SLC2A13: variants seen among roughly 807,000 people sequenced by gnomAD.
SLC2A13 encodes proton myo-inositol cotransporter.
In SLC2A13, 32 loss-of-function variants were observed where a neutral mutation model predicts 64.4. The ratio of observed to expected loss-of-function variants is 0.50; its 90% CI spans 0.37 to 0.67. The LOEUF (loss-of-function observed/expected upper bound fraction) is 0.67, where lower values mean the gene tolerates loss of function less well. SLC2A13 is among the 30% of genes least tolerant of loss of function. SLC2A13 has a pLI of 0.00. For missense variants in SLC2A13, 743 were observed against 829.2 expected (o/e 0.90, Z 1.28); for synonymous variants, 338 against 327.1 (o/e 1.03, Z -0.36).
intron 1 of SLC2A13, among the ~76,000 whole-genome samples, chr12:40,072,775 T>C (rs17458334): frequency 6.6e-6 from 1 of 152,148 alleles, no homozygotes; most frequent in South Asian, 2.1e-4. Flanking sequence ...GAGTTTCATA[T>C]AGACAGCAAT....
At chr12:39,790,789 C>T (rs1423996381) in intron 7 of SLC2A13, among the ~76,000 whole-genome samples, 3 of 58,588 alleles carry the variant, frequency 5.1e-5, no homozygotes, top group South Asian at 6.6e-4. Flanking sequence ...CCTGAGGAAT[C>T]GCCACACTGA....
chr12:39,784,502 T>C (rs1485516223), intron 7 of SLC2A13, among the ~76,000 whole-genome samples: 1 of 152,200 alleles, frequency 6.6e-6, no homozygotes, highest in Non-Finnish European at 1.5e-5. Context: ...CAAATGGTGC[T>C]GGGAAAACTC....
At chr12:39,990,538 A>G (rs1947117593) in intron 3 of SLC2A13, among the ~76,000 whole-genome samples, 1 of 152,162 alleles carries the variant, frequency 6.6e-6, no homozygotes, top group Admixed American at 6.5e-5. Context: ...GTATCTCAGC[A>G]CACACCAGGG....
At chr12:39,857,571 T>G (rs772466105) in intron 6 of SLC2A13, among the ~76,000 whole-genome samples, 2 of 152,214 alleles carry the variant, frequency 1.3e-5, no homozygotes, top group Non-Finnish European at 2.9e-5. Context: ...TTCATCACCA[T>G]TTGTCTGTCT....
At chr12:39,868,968 A>T (rs1249979941) in intron 5 of SLC2A13, among the ~76,000 whole-genome samples, 1 of 152,220 alleles carries the variant, frequency 6.6e-6, no homozygotes, top group Non-Finnish European at 1.5e-5. Context: ...AACATTTTTC[A>T]CTATTTTTAG....
Position 40,064,455 on chromosome 12 carries a change from T to C in SLC2A13, c.557-16245A>G, listed in dbSNP as rs11174995. The stretch of plus-strand genomic sequence containing the variant: ...TACCTAATATGGAGTCATTATTTAT[T>C]GATAAAAGAAGGAAAGAATAAAAAT... On this transcript the variant is annotated intron_variant, in intron 1 of 9. Transcript: ENST00000280871. Among the ~76,000 whole-genome samples, 153 of 152,258 alleles carry C rather than the reference T, an allele frequency of 1.0e-3. 2 individuals are homozygous for C. The East Asian group carries it at 0.013, about 12-fold the overall frequency.
Position 39,896,450 on chromosome 12 carries a change from G to A in SLC2A13, c.1035-24489C>T, listed in dbSNP as rs546103624. On this transcript the variant is annotated intron_variant, in intron 4 of 9. Transcript: ENST00000280871. ...TATATATGTATACATATATGTATAT[G>A]TGTGTATATATGTATACATATATGT... is the stretch of plus-strand genomic sequence containing the variant. 8.6e-4 allele frequency among the ~76,000 whole-genome samples: 97 copies of A among 112,832 alleles called. 1 individual carries two copies. Among genetic ancestry groups the A allele is most frequent in the African/African-American group, 2.3e-3 (62 of 27,314 alleles). The allele number at this position is 112,832 out of a possible 152,430, so 74.0% of individuals were successfully genotyped here. A position where few individuals can be genotyped will look rare whatever the true frequency, so the allele number is the denominator to read the frequency against.
At chr12:39,947,658 CTT>C (rs35298500) in intron 4 of SLC2A13, among the ~76,000 whole-genome samples, 11 of 122,216 alleles carry the variant, frequency 9.0e-5, no homozygotes, top group African/African-American at 9.3e-5. Context: ...GTGAGAATTT[CTT>C]TTTTTTTTTT....
At chr12:39,956,863 C>G (rs944424330) in intron 3 of SLC2A13, among the ~76,000 whole-genome samples, 10 of 152,010 alleles carry the variant, frequency 6.6e-5, no homozygotes, top group Admixed American at 2.6e-4. Flanking sequence ...GGAGGCTTCC[C>G]CACTGCTGAT....
rs1463898973 is a variant in SLC2A13 at position 39,758,018 on chromosome 12, A to ATATT, written c.*2004_*2007dup. 2.6e-5 allele frequency: 4 copies of ATATT among 151,798 alleles called. No homozygotes were observed. The highest frequency in any genetic ancestry group is 5.9e-5 in the Non-Finnish European group (4 of 67,678). 9.4% of individuals were successfully genotyped at this position (151,798 alleles called of 1,614,324 possible). ...TTTCACTTCAATTTACCTGTGTAAA[A>ATATT]TATTAGATAAGAAATTTCTTATGAG... is the stretch of plus-strand genomic sequence containing the variant. On this transcript the variant is annotated 3_prime_UTR_variant, in exon 10 of 10. Coordinates refer to ENST00000280871, the MANE Select transcript of SLC2A13 (RefSeq NM_052885.4).
At chr12:39,802,838 A>G (rs886778894) in intron 7 of SLC2A13, among the ~76,000 whole-genome samples, 1 of 152,172 alleles carries the variant, frequency 6.6e-6, no homozygotes, top group African/African-American at 2.4e-5. Context: ...AAAATATTAT[A>G]TCAGATTGAG....
rs544688165 is a variant in SLC2A13 at position 40,075,843 on chromosome 12, T to G, written c.557-27633A>C. On this transcript the variant is annotated intron_variant, in intron 1 of 9. Transcript: ENST00000280871. Reference sequence around the variant, plus strand: ...ATTGTTTGAATTACTTATATTTATCTGTCTTAAGTTCACTCACTTTTTTCA... The same window carrying G: ...ATTGTTTGAATTACTTATATTTATCGGTCTTAAGTTCACTCACTTTTTTCA... Among the ~76,000 whole-genome samples the G allele has an allele frequency of 5.9e-5, 9 of 152,310 alleles. No individual in the cohort carries two copies. The East Asian group carries it at 1.5e-3, about 26-fold the overall frequency.
intron 1 of SLC2A13, among the ~76,000 whole-genome samples, chr12:40,066,939 G>A (rs183823456): frequency 2.0e-5 from 3 of 152,116 alleles, no homozygotes; most frequent in African/African-American, 7.2e-5. Flanking sequence ...ACAATTCTTA[G>A]GGAAACTAAT....
At chr12:39,779,940 T>C (rs76314265) in intron 7 of SLC2A13, among the ~76,000 whole-genome samples, 1,524 of 152,334 alleles carry the variant, frequency 0.01, 28 homozygotes, top group African/African-American at 0.035. Flanking sequence ...GCTATCGTGA[T>C]GCAAACAATG....
chr12:39,861,268 C>G (rs1238559926), intron 6 of SLC2A13, among the ~76,000 whole-genome samples: 5 of 152,142 alleles, frequency 3.3e-5, no homozygotes, highest in Non-Finnish European at 7.4e-5. Context: ...TTATTGAGTG[C>G]TTATTATGTG....
intron 3 of SLC2A13, among the ~76,000 whole-genome samples, chr12:39,994,873 A>C (rs1314638511): frequency 6.6e-6 from 1 of 152,264 alleles, no homozygotes; most frequent in Non-Finnish European, 1.5e-5. Flanking sequence ...CTGTGTATGA[A>C]AAGATAGTAC....
intron 1 of SLC2A13, among the ~76,000 whole-genome samples, chr12:40,055,642 G>T (rs1272143851): frequency 6.6e-6 from 1 of 152,102 alleles, no homozygotes; most frequent in Non-Finnish European, 1.5e-5. Flanking sequence ...TTTTAAACTA[G>T]TGTTAACTGA....
rs767434521 is a variant in SLC2A13, at chr12:39,864,794, C to T, written c.1287G>A (p.Pro429=). ...TTGTGCAAGTGGCGTTCTGACCTGA[C>T]GGAGCTATTGGCTTAAAAGTGATGC... is the stretch of plus-strand genomic sequence containing the variant. ...SPRITFKPIA[P]SGQNATCTRY... The change falls in exon 6 of 10, where the codon CCG becomes CCA. Residue 429 remains proline, a synonymous_variant. Coordinates refer to ENST00000280871, the MANE Select transcript of SLC2A13 (RefSeq NM_052885.4). The T allele has an allele frequency of 1.3e-5, 21 of 1,613,730 alleles. No homozygotes were observed. The highest frequency in any genetic ancestry group is 1.6e-4 in the Middle Eastern group (1 of 6,082).
chr12:40,096,606 T>C (rs1328353706), intron 1 of SLC2A13, among the ~76,000 whole-genome samples: 1 of 152,088 alleles, frequency 6.6e-6, no homozygotes, highest in Non-Finnish European at 1.5e-5. Flanking sequence ...CTATTTCCTC[T>C]TCTCAGTTAC....
Sources: gnomAD v4.1 joint callset for allele counts (sites outside exome capture counted in the v4.1 genomes callset) on GRCh38, gnomAD v4.1.1 for gene constraint, MANE v1.5 for transcripts, NCBI Gene and HGNC (gene_info 2026-07-23, HGNC 2026-07-21) for gene names.